Variants in XIRP2 observed in about 807,000 individuals in gnomAD.
XIRP2 encodes xin actin-binding repeat-containing protein 2.
Under a neutral mutation model 277.0 loss-of-function variants are expected in XIRP2, and 236 were observed. The ratio of observed to expected loss-of-function variants is 0.85; its 90% CI spans 0.77 to 0.95. The LOEUF is 0.95. XIRP2 is among the 40% of genes least tolerant of loss of function. The probability of loss-of-function intolerance (pLI) is 0.00; values close to 1 mark genes in which losing one functional copy is unlikely to be tolerated. For synonymous variants in XIRP2, 1,490 were observed against 1,416.5 expected, an observed-to-expected ratio of 1.05 and a Z score of -1.17; for missense variants, 4,640 against 4,157.5, an observed-to-expected ratio of 1.12 and a Z score of -3.19.
intron 1 of XIRP2, among the ~76,000 whole-genome samples, chr2:166,894,576 G>T (rs1684192058): frequency 6.6e-6 from 1 of 152,138 alleles, no homozygotes; most frequent in Non-Finnish European, 1.5e-5. Context: ...GGGAGCTATT[G>T]CTCCAAGTAT....
Position 167,053,109 on chromosome 2 carries a change from G to A in XIRP2, c.409-82800G>A, listed in dbSNP as rs543619191. ...TGCCTCCCTCATGTCTGTACCTCCC[G>A]TCTCCATCAGTTATGATTTTGTTAA... On this transcript the variant is annotated intron_variant, in intron 2 of 10. Coordinates refer to ENST00000409195, the MANE Select transcript of XIRP2 (RefSeq NM_152381.6). 7.2e-5 allele frequency among the ~76,000 whole-genome samples: 11 copies of A among 152,182 alleles called. No individual in the cohort carries two copies. In the South Asian group the frequency reaches 1.2e-3, roughly 17 times the overall value.
intron 2 of XIRP2, among the ~76,000 whole-genome samples, chr2:167,074,667 G>T (rs1310527227): frequency 6.6e-6 from 1 of 151,392 alleles, no homozygotes; most frequent in Non-Finnish European, 1.5e-5. Context: ...TATGGGACAG[G>T]CTCTCACTGT....
chr2:167,046,739 CA>C (rs1688797835), intron 2 of XIRP2, among the ~76,000 whole-genome samples: 1 of 151,702 alleles, frequency 6.6e-6, no homozygotes, highest in Non-Finnish European at 1.5e-5. Context: ...CACATGGACA[CA>C]AAGAGGGAAA....
Position 167,258,671 on chromosome 2 carries a change from A to C in XIRP2, c.*854A>C, listed in dbSNP as rs770057293. 1.2e-5 allele frequency: 19 copies of C among 1,611,644 alleles called. No homozygotes were observed. The highest frequency in any genetic ancestry group is 1.5e-5 in the Non-Finnish European group (18 of 1,179,030). On this transcript the variant is annotated 3_prime_UTR_variant, in exon 11 of 11. Transcript: ENST00000409195. ...TAAAGAAAATTTGAATAAGAATAAT[A>C]ATAACAATTATGTAGCAGTCTCATA...
In XIRP2 at chr2:167,250,450, G is replaced by A. The variant is rs780833909; in HGVS notation, c.9058G>A (p.Glu3020Lys). 4 of 1,613,294 alleles carry A rather than the reference G, an allele frequency of 2.5e-6. No individual in the cohort carries two copies. In the East Asian group the frequency reaches 8.9e-5, roughly 36 times the overall value. The change falls in exon 9 of 11, where the codon GAA (glutamate) becomes AAA (lysine). Residue 3020 changes from glutamate (E) to lysine (K), a missense_variant. Glu to Lys is a moderately conservative substitution (Grantham distance 56). Coordinates refer to ENST00000409195, the MANE Select transcript of XIRP2 (RefSeq NM_152381.6). ...AATAACACATATTAAAACTCAAGCG[G>A]AAGATATGCTTGTGTCCTATGAAAA... ...EEITHIKTQA[E>K]DMLVSYENII...
rs1695482709 is a variant in XIRP2, at chr2:167,251,082, T to C, written c.9690T>C (p.Arg3230=). 6.2e-7 allele frequency: 1 copy of C among 1,613,616 alleles called. No individual in the cohort carries two copies. Among genetic ancestry groups the C allele is most frequent in the Non-Finnish European group, 8.5e-7 (1 of 1,179,766 alleles). The part of the protein sequence containing the change: ...TLRRQIKIET[R]GRDSPPTITI... ...GTCGTCAAATTAAGATAGAAACTCG[T>C]GGTAGGGACTCTCCACCTACAATCA... Residue 3230 remains arginine, a synonymous_variant, in exon 9 of 11, where the codon CGT becomes CGC. Transcript: ENST00000409195.
At position 166,916,499 on chromosome 2, in the gene XIRP2, C is replaced by G. The variant is rs568237350; in HGVS notation, c.408+12609C>G. Among the ~76,000 whole-genome samples the G allele has an allele frequency of 8.5e-5, 13 of 152,114 alleles. No homozygotes were observed. In the South Asian group the frequency reaches 1.7e-3, roughly 19 times the overall value. ...AAAATGATTACTGAAAAATATATGT[C>G]TACCAAACTCTCAAAAATATATAGA... On this transcript the variant is annotated intron_variant, in intron 2 of 10. Coordinates refer to ENST00000409195, the MANE Select transcript of XIRP2 (RefSeq NM_152381.6).
intron 3 of XIRP2, among the ~76,000 whole-genome samples, chr2:167,149,564 A>G (rs931315678): frequency 1.3e-5 from 2 of 152,168 alleles, no homozygotes; most frequent in African/African-American, 4.8e-5. Context: ...CTTAGGCAAT[A>G]GTCTGTCATT....
rs371943716 is a variant in XIRP2, at chr2:167,247,577, C to T, written c.6185C>T (p.Thr2062Met). ...AATGTTTTGGAATCAGGAGACAAAACGGGTGTCTGGACTGATACTACAGGA... is the reference window on the plus strand; with the variant it reads ...AATGTTTTGGAATCAGGAGACAAAATGGGTGTCTGGACTGATACTACAGGA... Reference protein sequence around the residue: ...KSNVLESGDKTGVWTDTTGEQ... With the variant: ...KSNVLESGDKMGVWTDTTGEQ... The change falls in exon 9 of 11, where the codon ACG (threonine) becomes ATG (methionine). Residue 2062 changes from threonine (T) to methionine (M), a missense_variant. Physicochemically the swap from Thr to Met is moderately conservative, Grantham distance 81. Coordinates refer to ENST00000409195, the MANE Select transcript of XIRP2 (RefSeq NM_152381.6). 9.9e-6 allele frequency: 16 copies of T among 1,613,490 alleles called. No homozygotes were observed. Among genetic ancestry groups the T allele is most frequent in the East Asian group, 6.7e-5 (3 of 44,838 alleles).
rs1469744787 is a variant in XIRP2 at position 167,087,369 on chromosome 2, G to A, written c.409-48540G>A. On this transcript the variant is annotated intron_variant, in intron 2 of 10. Transcript: ENST00000409195. ...AAAGCTGTCAGACAGGGACATTTAA[G>A]TCTGCAGAGGTTACTGCTGTCTTTT... Among the ~76,000 whole-genome samples the A allele has an allele frequency of 8.6e-4, 130 of 150,822 alleles. 1 individual carries two copies. Among genetic ancestry groups the A allele is most frequent in the Non-Finnish European group, 1.5e-5 (1 of 67,934 alleles).
At chr2:167,199,233 C>T (rs763713882) in intron 3 of XIRP2, among the ~76,000 whole-genome samples, 113 of 152,118 alleles carry the variant, frequency 7.4e-4, no homozygotes, top group Non-Finnish European at 1.6e-3. Flanking sequence ...CTAGTTCCTA[C>T]AGAATGCTTT....
chr2:167,201,809 T>A (rs1401021908), intron 3 of XIRP2, among the ~76,000 whole-genome samples: 1 of 152,198 alleles, frequency 6.6e-6, no homozygotes, highest in African/African-American at 2.4e-5. Context: ...TTCATACCCT[T>A]AATTAAAAAT....
chr2:166,961,193 A>G (rs1167649345), intron 2 of XIRP2, among the ~76,000 whole-genome samples: 1 of 151,620 alleles, frequency 6.6e-6, no homozygotes, highest in Admixed American at 6.6e-5. Context: ...GGATGATTGA[A>G]TCGTTTTGTA....
At chr2:167,122,895 G>A (rs1369679945) in intron 2 of XIRP2, among the ~76,000 whole-genome samples, 1 of 151,884 alleles carries the variant, frequency 6.6e-6, no homozygotes, top group East Asian at 1.9e-4. Context: ...TTTTATTTGG[G>A]TCTTCATGCC....
At chr2:167,102,343 T>C (rs1449539035) in intron 2 of XIRP2, among the ~76,000 whole-genome samples, 2 of 152,224 alleles carry the variant, frequency 1.3e-5, no homozygotes, top group South Asian at 2.1e-4. Context: ...CCCCTTATCC[T>C]TTCTCACTGG....
At position 166,953,805 on chromosome 2, in the gene XIRP2, A is replaced by T. The variant is rs1485654482; in HGVS notation, c.408+49915A>T. On this transcript the variant is annotated intron_variant, in intron 2 of 10. Transcript: ENST00000409195. ...TTAATGATATTATTTAGTCTCTCTA[A>T]CATCTGTCTTCCTTCCTTCTTTCCT... is the stretch of plus-strand genomic sequence containing the variant. Among the ~76,000 whole-genome samples, 9 of 151,956 alleles carry T rather than the reference A, an allele frequency of 5.9e-5. No individual in the cohort carries two copies. In the South Asian group the frequency reaches 1.5e-3, roughly 25 times the overall value.
At chr2:167,013,875 C>T (rs1687749599) in intron 2 of XIRP2, among the ~76,000 whole-genome samples, 2 of 150,754 alleles carry the variant, frequency 1.3e-5, no homozygotes, top group African/African-American at 4.9e-5. Flanking sequence ...AATTAGATTC[C>T]TCTTCCTCGT....
chr2:167,138,528 G>C (rs1035123849), intron 3 of XIRP2, among the ~76,000 whole-genome samples: 2 of 152,072 alleles, frequency 1.3e-5, no homozygotes, highest in African/African-American at 4.8e-5. Flanking sequence ...TTATGTATTG[G>C]TGTCAAATAA....
At chr2:167,151,844 C>T (rs1275089262) in intron 3 of XIRP2, among the ~76,000 whole-genome samples, 1 of 152,012 alleles carries the variant, frequency 6.6e-6, no homozygotes, top group Non-Finnish European at 1.5e-5. Context: ...CTACTAGGGA[C>T]AAAGGAACCA....
Sources: allele counts gnomAD v4.1 joint callset (sites outside exome capture counted in the v4.1 genomes callset), GRCh38; gene constraint gnomAD v4.1.1; transcripts MANE v1.5; gene names NCBI Gene and HGNC (gene_info 2026-07-23, HGNC 2026-07-21).